ST6GALNAC6: variants seen among roughly 807,000 people sequenced by gnomAD.
ST6GALNAC6 encodes alpha-N-acetylgalactosaminide alpha-2,6-sialyltransferase 6.
A neutral mutation model predicts 34.3 loss-of-function variants in ST6GALNAC6; 19 were observed. The ratio of observed to expected loss-of-function variants is 0.55; its 90% CI spans 0.39 to 0.81. The LOEUF is 0.81. Among genes scored for constraint, ST6GALNAC6 ranks in the 40% least tolerant of loss-of-function variants. The probability of loss-of-function intolerance (pLI) is 0.00; values close to 1 mark genes in which losing one functional copy is unlikely to be tolerated. For synonymous variants in ST6GALNAC6, 185 were observed against 182.1 expected, an observed-to-expected ratio of 1.02 and a Z score of -0.13; for missense variants, 377 against 467.7, an observed-to-expected ratio of 0.81 and a Z score of 1.79.
At position 127,886,356 on chromosome 9, in the gene ST6GALNAC6, T is replaced by G. The variant is rs529866210; in HGVS notation, c.*243A>C. The G allele has an allele frequency of 8.5e-7, 1 of 1,177,436 alleles. No homozygotes were observed. The highest frequency in any genetic ancestry group is 1.2e-6 in the Non-Finnish European group (1 of 867,472). 72.9% of individuals were successfully genotyped at this position (1,177,436 alleles called of 1,614,324 possible). On this transcript the variant is annotated 3_prime_UTR_variant, in exon 7 of 7. Coordinates refer to ENST00000373146, the MANE Select transcript of ST6GALNAC6 (RefSeq NM_013443.5). ...AAATACCCCCTCTACCCTGATTGAC[T>G]GTGCGCAGACCCTGACTGCACAAGA...
chr9:127,904,031 C>T (rs1434469833), upstream of ST6GALNAC6: 2 of 152,224 alleles, frequency 1.3e-5, no homozygotes, highest in African/African-American at 4.8e-5. Context: ...CCTTCTTGGG[C>T]CCCAAGAACG....
chr9:127,900,206 T>A (rs1219973811), upstream of ST6GALNAC6, among the ~76,000 whole-genome samples: 1 of 152,214 alleles, frequency 6.6e-6, no homozygotes, highest in Non-Finnish European at 1.5e-5. Context: ...TAGCCATTGC[T>A]AGGGGACTGC....
intron 5 of ST6GALNAC6, among the ~76,000 whole-genome samples, chr9:127,887,954 C>T (rs1319297711): frequency 6.6e-6 from 1 of 152,190 alleles, no homozygotes; most frequent in Non-Finnish European, 1.5e-5. Context: ...TAAGGGGAGA[C>T]TAATCAGATA....
chr9:127,887,594 G>T lies in ST6GALNAC6; in HGVS notation c.705-3C>A. The T allele has an allele frequency of 6.2e-7, 1 of 1,607,354 alleles. No homozygotes were observed. The highest frequency in any genetic ancestry group is 8.5e-7 in the Non-Finnish European group (1 of 1,176,070). The stretch of plus-strand genomic sequence containing the variant: ...TCAACCACGAATGAGACTTCTCCCT[G>T]GGGATGGAGAGGGGTCACGATGAGG... On this transcript the variant is annotated splice_polypyrimidine_tract_variant and splice_region_variant and intron_variant, in intron 5 of 6. Coordinates refer to ENST00000373146, the MANE Select transcript of ST6GALNAC6 (RefSeq NM_013443.5).
chr9:127,902,993 T>C (rs1305403901), upstream of ST6GALNAC6: 4 of 6,670 alleles, frequency 6.0e-4, no homozygotes, highest in South Asian at 0.017. Context: ...TTGCTTGCTT[T>C]TTTTTTTTTT....
At chr9:127,887,986 A>G (rs1829886577) in intron 5 of ST6GALNAC6, among the ~76,000 whole-genome samples, 1 of 152,232 alleles carries the variant, frequency 6.6e-6, no homozygotes, top group Non-Finnish European at 1.5e-5. Flanking sequence ...GAGTGACTGC[A>G]GTTCAGAGCA....
chr9:127,889,098 C>T (rs1422021894), intron 5 of ST6GALNAC6, among the ~76,000 whole-genome samples: 2 of 152,158 alleles, frequency 1.3e-5, no homozygotes, highest in Non-Finnish European at 2.9e-5. Context: ...CCTGTAATCC[C>T]GGCACTTTGG....
intron 5 of ST6GALNAC6, among the ~76,000 whole-genome samples, chr9:127,888,840 A>AACAC (rs1458106919): frequency 5.8e-4 from 88 of 151,156 alleles, no homozygotes; most frequent in Non-Finnish European, 1.2e-3. Context: ...CAAACAAACA[A>AACAC]ACACTGAATA....
At chr9:127,906,054 G>A (rs1830908965), upstream of ST6GALNAC6, 1 of 983,730 alleles carries the variant, frequency 1.0e-6, no homozygotes, top group Non-Finnish European at 1.2e-6. Context: ...AAACTTCTGG[G>A]TCCACCTGGC....
At chr9:127,888,864 A>G (rs1358367808) in intron 5 of ST6GALNAC6, among the ~76,000 whole-genome samples, 2 of 152,122 alleles carry the variant, frequency 1.3e-5, no homozygotes, top group Non-Finnish European at 2.9e-5. Context: ...TCTCCCTAAG[A>G]CTAGGACCAA....
At chr9:127,896,157 T>C in intron 3 of ST6GALNAC6, 85 bp downstream of exon 3, 2 of 1,457,884 alleles carry the variant, frequency 1.4e-6, no homozygotes, top group Non-Finnish European at 1.9e-6. Context: ...TCGTGGTGGC[T>C]GGGGTCTGAG....
intron 6 of ST6GALNAC6, 43 bp downstream of exon 6, chr9:127,887,441 G>T (rs1241870401): frequency 3.9e-6 from 6 of 1,546,580 alleles, no homozygotes; most frequent in Non-Finnish European, 4.4e-6. Flanking sequence ...TGCGGCCAGT[G>T]CCTGGGTGTT....
intron 3 of ST6GALNAC6, 71 bp from the exon 4 acceptor site, chr9:127,894,762 AC>A: frequency 6.4e-7 from 1 of 1,554,950 alleles, no homozygotes; most frequent in Non-Finnish European, 8.8e-7. Flanking sequence ...CTTGCCACCT[AC>A]CATGCCTGGT....
In ST6GALNAC6 at chr9:127,896,344, C is replaced by T. The variant is rs1424773907; in HGVS notation, c.27-12G>A. 1.2e-6 allele frequency: 2 copies of T among 1,605,154 alleles called. No homozygotes were observed. Among genetic ancestry groups the T allele is most frequent in the East Asian group, 2.2e-5 (1 of 44,860 alleles). Reference sequence around the variant, plus strand: ...ATGTGGGTTCACACCTGCAAGCCACCAGAAAGGGTTATTATGGCTTCGGTC... The same window carrying T: ...ATGTGGGTTCACACCTGCAAGCCACTAGAAAGGGTTATTATGGCTTCGGTC... On this transcript the variant is annotated splice_polypyrimidine_tract_variant and intron_variant, in intron 2 of 6. Transcript: ENST00000373146.
At chr9:127,889,791 T>C (rs1473168030) in intron 5 of ST6GALNAC6, among the ~76,000 whole-genome samples, 2 of 152,150 alleles carry the variant, frequency 1.3e-5, no homozygotes, top group African/African-American at 2.4e-5. Context: ...CAATTAACAA[T>C]TGGGAACAAA....
chr9:127,905,268 A>G, exon 1 of ST6GALNAC6: 1 of 985,560 alleles, frequency 1.0e-6, no homozygotes, highest in Non-Finnish European at 1.2e-6. Flanking sequence ...CCTGATCAAG[A>G]CAGCCTTCAG....
Position 127,886,776 on chromosome 9 carries a change from G to T in ST6GALNAC6, c.825C>A (p.Arg275=), listed in dbSNP as rs369910275. The T allele has an allele frequency of 4.4e-6, 7 of 1,607,832 alleles. No individual in the cohort carries two copies. The highest frequency in any genetic ancestry group is 6.0e-6 in the Non-Finnish European group (7 of 1,176,300). The change falls in exon 7 of 7, where the codon CGC becomes CGA. Residue 275 remains arginine (R), a synonymous_variant. Coordinates refer to ENST00000373146, the MANE Select transcript of ST6GALNAC6 (RefSeq NM_013443.5). The part of the protein sequence containing the change: ...VPPNYCSQRP[R]LQRMPYHYYE... ...AGTAGTGGTAGGGCATGCGCTGGAGGCGGGGCCGCTGGCTGGGACAGAGCA... is the reference window on the plus strand; with the variant it reads ...AGTAGTGGTAGGGCATGCGCTGGAGTCGGGGCCGCTGGCTGGGACAGAGCA...
intron 3 of ST6GALNAC6, 93 bp downstream of exon 3, chr9:127,896,149 G>T: frequency 7.1e-7 from 1 of 1,403,934 alleles, no homozygotes; most frequent in Non-Finnish European, 1.0e-6. Flanking sequence ...GAAGAGACTC[G>T]TGGTGGCTGG....
Position 127,886,294 on chromosome 9 carries a change from T to A in ST6GALNAC6, c.*305A>T. 1 of 632,186 alleles carries A rather than the reference T, an allele frequency of 1.6e-6. No homozygotes were observed. The highest frequency in any genetic ancestry group is 3.3e-5 in the East Asian group (1 of 30,586). 39.2% of individuals were successfully genotyped at this position (632,186 alleles called of 1,614,324 possible). The stretch of plus-strand genomic sequence containing the variant: ...CCTGGGGCTCTGAACCAAGGCCTCA[T>A]GGGAAAGGACATGTCCTTAGCCTCA... On this transcript the variant is annotated 3_prime_UTR_variant, in exon 7 of 7. Transcript: ENST00000373146.
Sources: allele counts gnomAD v4.1 joint callset (sites outside exome capture counted in the v4.1 genomes callset), GRCh38; gene constraint gnomAD v4.1.1; transcripts MANE v1.5; gene names NCBI Gene and HGNC (gene_info 2026-07-23, HGNC 2026-07-21).